Variants in DPP10 observed in about 807,000 individuals in gnomAD.
DPP10 encodes inactive dipeptidyl peptidase 10.
DPP10 carries 33 observed loss-of-function variants against 120.9 expected under a neutral mutation model. That is an observed-to-expected ratio of 0.27 (90% CI 0.21 to 0.37). The LOEUF (loss-of-function observed/expected upper bound fraction) is 0.37, where lower values mean the gene tolerates loss of function less well. Among genes scored for constraint, DPP10 ranks in the 10% least tolerant of loss-of-function variants. The pLI, the probability that DPP10 is intolerant of heterozygous loss-of-function variation, is 1.00. For missense variants in DPP10, 816 were observed against 942.8 expected, an observed-to-expected ratio of 0.87 and a Z score of 1.76; for synonymous variants, 337 against 326.1, an observed-to-expected ratio of 1.03 and a Z score of -0.36.
At chr2:115,333,423 A>C (rs1169251903) in intron 2 of DPP10, among the ~76,000 whole-genome samples, 1 of 152,082 alleles carries the variant, frequency 6.6e-6, no homozygotes, top group Admixed American at 6.6e-5. Flanking sequence ...GCCCATTTAC[A>C]TTTAAGGTTA....
At chr2:115,549,532 G>C (rs4849408) in intron 5 of DPP10, among the ~76,000 whole-genome samples, 1 of 151,798 alleles carries the variant, frequency 6.6e-6, no homozygotes, top group African/African-American at 2.4e-5. Context: ...CCACTCCTTT[G>C]GTTTATTATA....
chr2:115,348,930 G>A (rs2106289124), intron 3 of DPP10, among the ~76,000 whole-genome samples: 1 of 152,196 alleles, frequency 6.6e-6, no homozygotes, highest in South Asian at 2.1e-4. Flanking sequence ...AAACCTACCT[G>A]CTCTGGACCA....
In DPP10 at chr2:114,985,516, G is replaced by A. The variant is rs72945843; in HGVS notation, c.61-323723G>A. 5.8e-3 allele frequency among the ~76,000 whole-genome samples: 882 copies of A among 152,236 alleles called. 9 individuals carry two copies. Among genetic ancestry groups the A allele is most frequent in the Middle Eastern group, 0.034 (10 of 294 alleles). On this transcript the variant is annotated intron_variant, in intron 1 of 25. Coordinates refer to ENST00000410059, the MANE Select transcript of DPP10 (RefSeq NM_020868.6). ...GCCTCATTTGAAGTGTGCACCCTAC[G>A]TTGAGCAAAATGCCTGGCATGTAGT... is the stretch of plus-strand genomic sequence containing the variant.
chr2:115,155,334 G>A (rs936278722), intron 1 of DPP10, among the ~76,000 whole-genome samples: 19 of 152,194 alleles, frequency 1.2e-4, no homozygotes, highest in African/African-American at 4.1e-4. Context: ...AAGGTGTTGA[G>A]TCCTAATAGA....
At chr2:114,881,978 T>C (rs1246484826) in intron 1 of DPP10, among the ~76,000 whole-genome samples, 1 of 152,126 alleles carries the variant, frequency 6.6e-6, no homozygotes, top group Non-Finnish European at 1.5e-5. Context: ...ATAATAGGCA[T>C]GTAACACATT....
At chr2:114,550,257 C>T (rs527360621) in intron 1 of DPP10, among the ~76,000 whole-genome samples, 5 of 152,316 alleles carry the variant, frequency 3.3e-5, no homozygotes, top group South Asian at 2.1e-4. Context: ...GAGCATAGGA[C>T]AAAGGGCCCT....
chr2:115,628,748 T>C (rs1188423192), intron 5 of DPP10, among the ~76,000 whole-genome samples: 2 of 152,078 alleles, frequency 1.3e-5, no homozygotes, highest in Non-Finnish European at 2.9e-5. Flanking sequence ...TAGCCAGTTC[T>C]CCCAGCACCA....
At chr2:115,299,812 A>G (rs998193238) in intron 1 of DPP10, among the ~76,000 whole-genome samples, 2 of 151,980 alleles carry the variant, frequency 1.3e-5, no homozygotes, top group Non-Finnish European at 2.9e-5. Flanking sequence ...ATTTTATATG[A>G]TTATTTTTCC....
chr2:114,845,852 G>C (rs1020663480), intron 1 of DPP10, among the ~76,000 whole-genome samples: 1 of 152,112 alleles, frequency 6.6e-6, no homozygotes, highest in Non-Finnish European at 1.5e-5. Context: ...GTAGTTTAAG[G>C]TGTTGCAAGA....
At chr2:115,317,632 CTT>C (rs148408128) in intron 2 of DPP10, among the ~76,000 whole-genome samples, 14 of 133,236 alleles carry the variant, frequency 1.1e-4, no homozygotes, top group African/African-American at 2.2e-4. Context: ...TTGTTCTTTT[CTT>C]TTTTTTTTTT....
At chr2:114,791,251 C>T (rs1044423740) in intron 1 of DPP10, among the ~76,000 whole-genome samples, 1 of 152,182 alleles carries the variant, frequency 6.6e-6, no homozygotes, top group South Asian at 2.1e-4. Flanking sequence ...AGTGGAGAAG[C>T]TCAATATTGC....
chr2:114,696,105 T>C (rs1356425337), intron 1 of DPP10, among the ~76,000 whole-genome samples: 2 of 152,042 alleles, frequency 1.3e-5, no homozygotes, highest in African/African-American at 4.8e-5. Context: ...ATTGAGGTTC[T>C]TCAGTGAGCC....
At chr2:115,228,780 G>A in intron 1 of DPP10, among the ~76,000 whole-genome samples, 1 of 152,092 alleles carries the variant, frequency 6.6e-6, no homozygotes, top group East Asian at 1.9e-4. Context: ...CTCATCTGTT[G>A]ATGGACACTT....
At chr2:114,635,900 T>C (rs895101201) in intron 1 of DPP10, among the ~76,000 whole-genome samples, 4 of 151,968 alleles carry the variant, frequency 2.6e-5, no homozygotes, top group East Asian at 1.9e-4. Context: ...ACAGACTTCA[T>C]TGCAAATTGT....
In DPP10 at chr2:114,601,853, C is replaced by A. The variant is rs1356887555; in HGVS notation, c.60+159015C>A. The stretch of plus-strand genomic sequence containing the variant: ...TAGTTGGGAGTGCCACTAATGCAGA[C>A]CTTAAAATTAAGGGTTATCTTGTTG... On this transcript the variant is annotated intron_variant, in intron 1 of 25. Transcript: ENST00000410059. Among the ~76,000 whole-genome samples the A allele has an allele frequency of 8.6e-5, 13 of 151,768 alleles. No homozygotes were observed. In the East Asian group the frequency reaches 2.1e-3, roughly 25 times the overall value.
chr2:115,483,479 C>CTATATGTGTATG (rs3980957), intron 3 of DPP10, among the ~76,000 whole-genome samples: 3 of 144,072 alleles, frequency 2.1e-5, no homozygotes, highest in Non-Finnish European at 4.5e-5. Context: ...ATCTATCTAT[C>CTATATGTGTATG]TGTATGTGTA....
chr2:114,471,739 C>T (rs1044567510), intron 1 of DPP10, among the ~76,000 whole-genome samples: 4 of 152,184 alleles, frequency 2.6e-5, no homozygotes, highest in African/African-American at 7.2e-5. Context: ...TCTCACACAA[C>T]ACATCTGTTG....
chr2:114,924,349 A>G (rs1695434892), intron 1 of DPP10, among the ~76,000 whole-genome samples: 1 of 152,094 alleles, frequency 6.6e-6, no homozygotes, highest in Admixed American at 6.5e-5. Flanking sequence ...CAACATGGCG[A>G]AACCCCATCT....
intron 21 of DPP10, among the ~76,000 whole-genome samples, chr2:115,821,705 T>C (rs17717947): frequency 0.087 from 13,183 of 152,016 alleles, 630 homozygotes; most frequent in South Asian, 0.14. Flanking sequence ...TTTCTAAATA[T>C]AATTTTGGTT....
Sources: gnomAD v4.1 joint callset for allele counts (sites outside exome capture counted in the v4.1 genomes callset) on GRCh38, gnomAD v4.1.1 for gene constraint, MANE v1.5 for transcripts, NCBI Gene and HGNC (gene_info 2026-07-23, HGNC 2026-07-21) for gene names.